The following RBFOX3 variants were observed in gnomAD, a reference collection of about 807,000 sequenced individuals.
RBFOX3 encodes the protein RNA binding fox-1 homolog 3, also known as RNA binding protein fox-1 homolog 3.
In RBFOX3, 17 loss-of-function variants were observed where a neutral mutation model predicts 48.7. The ratio of observed to expected loss-of-function variants is 0.35; its 90% CI spans 0.24 to 0.52. The LOEUF (loss-of-function observed/expected upper bound fraction) is 0.52. Among genes scored for constraint, RBFOX3 ranks in the 20% least tolerant of loss-of-function variants. RBFOX3 has a pLI of 0.94. For missense variants in RBFOX3, 382 were observed against 497.5 expected (o/e 0.77, Z 2.21); for synonymous variants, 212 against 209.5 (o/e 1.01, Z -0.10).
In RBFOX3 at chr17:79,412,177, CAT is replaced by C. The variant is rs529186095; in HGVS notation, c.-175+70275_-175+70276del. On this transcript the variant is annotated intron_variant, in intron 2 of 14. Coordinates refer to ENST00000693108, the MANE Select transcript of RBFOX3 (RefSeq NM_001350451.2). Reference sequence around the variant, plus strand: ...TGTGTGTGGTGTAAGTGTGTATGCACATATGTGTATATGTGTGAGGGCATAGT... The same window carrying C: ...TGTGTGTGGTGTAAGTGTGTATGCACATGTGTATATGTGTGAGGGCATAGT... 1.7e-3 allele frequency among the ~76,000 whole-genome samples: 263 copies of C among 151,462 alleles called. 3 individuals are homozygous for C. The highest frequency in any genetic ancestry group is 6.1e-3 in the African/African-American group (252 of 41,182).
chr17:79,638,940 A>C, the RBFOX3 span, among the ~76,000 whole-genome samples: 2 of 152,172 alleles, frequency 1.3e-5, no homozygotes, highest in African/African-American at 4.8e-5. Context: ...TAAATTACCC[A>C]TGCTCAGCTA....
chr17:79,099,430 A>G (rs1654511840), intron 9 of RBFOX3: 1 of 152,312 alleles, frequency 6.6e-6, no homozygotes, highest in African/African-American at 2.4e-5. Context: ...TCAGGCTGAA[A>G]GAAATGTTTT....
chr17:79,395,977 G>A (rs111498824), intron 2 of RBFOX3, among the ~76,000 whole-genome samples: 27 of 152,330 alleles, frequency 1.8e-4, no homozygotes, highest in Admixed American at 2.6e-4. Flanking sequence ...AAGGAGCCCC[G>A]CCTGCCACTG....
intron 4 of RBFOX3, among the ~76,000 whole-genome samples, chr17:79,158,740 T>C (rs1242346038): frequency 6.6e-6 from 1 of 152,168 alleles, no homozygotes; most frequent in East Asian, 1.9e-4. Context: ...GAGCAGGGCA[T>C]GGAGGTGGCC....
chr17:79,257,605 G>C (rs1181988566), intron 3 of RBFOX3, among the ~76,000 whole-genome samples: 2 of 152,104 alleles, frequency 1.3e-5, no homozygotes, highest in African/African-American at 4.8e-5. Context: ...CTCTGAGACA[G>C]AGTCTTGCTC....
chr17:79,149,176 G>A (rs2043743211), intron 4 of RBFOX3, among the ~76,000 whole-genome samples: 1 of 152,254 alleles, frequency 6.6e-6, no homozygotes, highest in African/African-American at 2.4e-5. Context: ...CGACGTCTGT[G>A]CTATTATTGC....
the RBFOX3 span, among the ~76,000 whole-genome samples, chr17:79,631,430 T>C: frequency 6.6e-6 from 1 of 152,064 alleles, no homozygotes; most frequent in East Asian, 1.9e-4. Context: ...AGATGTGAAT[T>C]TACAAGCCAG....
chr17:79,336,400 A>G (rs1392638641), intron 2 of RBFOX3, among the ~76,000 whole-genome samples: 1 of 125,668 alleles, frequency 8.0e-6, no homozygotes, highest in Non-Finnish European at 1.7e-5. Context: ...AAATAAATAA[A>G]TAAATAAATA....
Position 79,600,713 on chromosome 17 carries a change from C to G in RBFOX3, c.-320+10113G>C, listed in dbSNP as rs980199363. On this transcript the variant is annotated intron_variant, in intron 1 of 14. Transcript: ENST00000693108. ...CACCTCGAAGGCCCGGGGAAGCAGT[C>G]TAGCTCAGCCGTCTAAGTGGAGGTG... 1.2e-4 allele frequency: 19 copies of G among 152,448 alleles called. No homozygotes were observed. The East Asian group carries it at 2.1e-3, about 17-fold the overall frequency. 9.4% of individuals were successfully genotyped at this position (152,448 alleles called of 1,614,324 possible).
At chr17:79,610,185 T>A (rs2093939420) in intron 1 of RBFOX3, among the ~76,000 whole-genome samples, 1 of 152,014 alleles carries the variant, frequency 6.6e-6, no homozygotes, top group Non-Finnish European at 1.5e-5. Context: ...TGGGGAGCTG[T>A]GGCAGCCCCT....
At chr17:79,219,371 C>A (rs917431691) in intron 4 of RBFOX3, among the ~76,000 whole-genome samples, 3 of 152,234 alleles carry the variant, frequency 2.0e-5, no homozygotes, top group African/African-American at 7.2e-5. Flanking sequence ...GGATATGCAG[C>A]CTTCTCCAAA....
At chr17:79,301,658 G>A (rs979640519) in intron 3 of RBFOX3, among the ~76,000 whole-genome samples, 3 of 152,160 alleles carry the variant, frequency 2.0e-5, no homozygotes, top group African/African-American at 4.8e-5. Flanking sequence ...AGACCCACCC[G>A]CAGCAGCACT....
intron 2 of RBFOX3, among the ~76,000 whole-genome samples, chr17:79,377,928 C>G (rs1029842347): frequency 6.6e-6 from 1 of 152,208 alleles, no homozygotes; most frequent in Non-Finnish European, 1.5e-5. Context: ...AGGGCCCATA[C>G]AAATACTTTC....
At chr17:79,221,793 G>A (rs1397423720) in intron 4 of RBFOX3, among the ~76,000 whole-genome samples, 4 of 152,224 alleles carry the variant, frequency 2.6e-5, no homozygotes, top group African/African-American at 9.6e-5. Flanking sequence ...CTCCAAGGCC[G>A]CCGCCCATAG....
At chr17:79,234,044 C>A (rs2061348678) in intron 4 of RBFOX3, 1 of 152,274 alleles carries the variant, frequency 6.6e-6, no homozygotes, top group African/African-American at 2.4e-5. Flanking sequence ...GTGGTGAACA[C>A]TTGCGGGCGC....
the RBFOX3 span, among the ~76,000 whole-genome samples, chr17:79,662,132 C>CTTTTTTTTTTTTTTTTTTTTTTTTTTT: frequency 3.1e-5 from 3 of 96,856 alleles, no homozygotes; most frequent in Admixed American, 1.5e-4. Flanking sequence ...CCTGTTTATT[C>CTTTTTTTTTTTTTTTTTTTTTTTTTTT]TTTTTTTTTT....
intron 2 of RBFOX3, among the ~76,000 whole-genome samples, chr17:79,451,164 G>T (rs1555741421): frequency 1.3e-5 from 2 of 152,146 alleles, no homozygotes; most frequent in African/African-American, 4.8e-5. Context: ...ATTATCAGGG[G>T]ACATATGATG....
At chr17:79,297,634 G>A (rs2074611382) in intron 3 of RBFOX3, among the ~76,000 whole-genome samples, 1 of 152,266 alleles carries the variant, frequency 6.6e-6, no homozygotes, top group African/African-American at 2.4e-5. Context: ...GGCACAGTGT[G>A]CCTTTCCCAG....
At position 79,104,059 on chromosome 17, in the gene RBFOX3, C is replaced by T. The variant is rs955408222; in HGVS notation, c.414+14G>A. ...AGCCGGCGCTGTAAGGCGGCAGCTC[C>T]GTGCGGCACCCACCTTGGAGCCCCG... is the stretch of plus-strand genomic sequence containing the variant. On this transcript the variant is annotated intron_variant, in intron 7 of 14. Coordinates refer to ENST00000693108, the MANE Select transcript of RBFOX3 (RefSeq NM_001350451.2). The T allele has an allele frequency of 1.4e-5, 21 of 1,550,112 alleles. No individual in the cohort carries two copies. In the East Asian group the frequency reaches 2.2e-4, roughly 16 times the overall value.
Sources: allele counts gnomAD v4.1 joint callset (sites outside exome capture counted in the v4.1 genomes callset), GRCh38; gene constraint gnomAD v4.1.1; transcripts MANE v1.5; gene names NCBI Gene and HGNC (gene_info 2026-07-23, HGNC 2026-07-21).